Variants in DCT observed in about 807,000 individuals in gnomAD.
The protein encoded by DCT is L-dopachrome tautomerase.
A neutral mutation model predicts 53.0 loss-of-function variants in DCT; 47 were observed. The ratio of observed to expected loss-of-function variants is 0.89; its 90% CI spans 0.70 to 1.13. The LOEUF is 1.13. Among genes scored for constraint, DCT ranks in the 50% most tolerant of loss-of-function variants. The probability of loss-of-function intolerance (pLI) is 0.00; values close to 1 mark genes in which losing one functional copy is unlikely to be tolerated. For missense variants in DCT, 669 were observed against 637.4 expected, an observed-to-expected ratio of 1.05 and a Z score of -0.53; for synonymous variants, 244 against 237.0, an observed-to-expected ratio of 1.03 and a Z score of -0.27.
the DCT span, among the ~76,000 whole-genome samples, chr13:94,487,812 A>C: frequency 6.6e-6 from 1 of 151,446 alleles, no homozygotes; most frequent in African/African-American, 2.4e-5. Flanking sequence ...CCCTGTGACC[A>C]AGTTGTTTCC....
chr13:94,492,678 T>C, the DCT span, among the ~76,000 whole-genome samples: 11 of 152,324 alleles, frequency 7.2e-5, no homozygotes, highest in African/African-American at 1.7e-4. Flanking sequence ...ATATAATTTT[T>C]TTCACATTAT....
At chr13:94,488,743 C>T in the DCT span, among the ~76,000 whole-genome samples, 5,827 of 132,918 alleles carry the variant, frequency 0.044, 159 homozygotes, top group South Asian at 0.1. Context: ...CACACACACA[C>T]ACACACACAC....
At chr13:94,541,318 A>G in the DCT span, among the ~76,000 whole-genome samples, 1 of 152,130 alleles carries the variant, frequency 6.6e-6, no homozygotes, top group Non-Finnish European at 1.5e-5. Context: ...AGCCTGGCCA[A>G]CATGCTGAAA....
the DCT span, among the ~76,000 whole-genome samples, chr13:94,494,383 C>T: frequency 1.3e-5 from 2 of 152,166 alleles, no homozygotes; most frequent in African/African-American, 4.8e-5. Context: ...TAATCAGCCT[C>T]ACTGATTTCA....
At chr13:94,528,552 T>A in the DCT span, among the ~76,000 whole-genome samples, 70 of 152,246 alleles carry the variant, frequency 4.6e-4, no homozygotes, top group Middle Eastern at 0.01. Flanking sequence ...GCTTCATAAG[T>A]GAAGGAGAAA....
the DCT span, among the ~76,000 whole-genome samples, chr13:94,503,863 T>C: frequency 6.6e-5 from 10 of 152,342 alleles, 1 homozygote; most frequent in Middle Eastern, 6.8e-3. Context: ...TTTTTAAAAA[T>C]TGCTCATACA....
the DCT span, among the ~76,000 whole-genome samples, chr13:94,542,527 C>T: frequency 5.9e-5 from 9 of 152,154 alleles, no homozygotes; most frequent in Non-Finnish European, 8.8e-5. Flanking sequence ...TGCCCATTCC[C>T]TTCACACAAG....
chr13:94,521,238 A>G, the DCT span, among the ~76,000 whole-genome samples: 473 of 152,356 alleles, frequency 3.1e-3, 2 homozygotes, highest in African/African-American at 0.011. Flanking sequence ...TAAGGATAAA[A>G]GAGAGAATGC....
At position 94,437,732 on chromosome 13, in the gene DCT, A is replaced by G. The variant is rs1881990221; in HGVS notation, c.*2166T>C. On this transcript the variant is annotated 3_prime_UTR_variant, in exon 8 of 8. Coordinates refer to ENST00000377028, the MANE Select transcript of DCT (RefSeq NM_001922.5). ...TTCTGTTGGTTTATCCTACCTTAAT[A>G]TTTGTTAAAATGCATTCATAATTGA... The G allele has an allele frequency of 6.6e-6, 1 of 152,194 alleles. No individual in the cohort carries two copies. The allele number at this position is 152,194 out of a possible 1,614,324, so 9.4% of individuals were successfully genotyped here.
chr13:94,511,814 C>G, the DCT span, among the ~76,000 whole-genome samples: 4 of 151,126 alleles, frequency 2.6e-5, no homozygotes, highest in African/African-American at 9.7e-5. Context: ...ACCTCAATGC[C>G]CAGCATTGTC....
rs1881996675 is a variant in DCT at position 94,437,826 on chromosome 13, C to A, written c.*2072G>T. 1 of 152,102 alleles carries A rather than the reference C, an allele frequency of 6.6e-6. No individual in the cohort carries two copies. 9.4% of individuals were successfully genotyped at this position (152,102 alleles called of 1,614,324 possible). Reference sequence around the variant, plus strand: ...ATATGAACTACAAAATTAGGAAATTCTCTCAGGAAGACATTATAAAACATA... The same window carrying A: ...ATATGAACTACAAAATTAGGAAATTATCTCAGGAAGACATTATAAAACATA... On this transcript the variant is annotated 3_prime_UTR_variant, in exon 8 of 8. Coordinates refer to ENST00000377028, the MANE Select transcript of DCT (RefSeq NM_001922.5).
chr13:94,473,489 G>C (rs1884882720), intron 1 of DCT, among the ~76,000 whole-genome samples: 2 of 152,138 alleles, frequency 1.3e-5, no homozygotes, highest in Non-Finnish European at 2.9e-5. Flanking sequence ...AAGTCAGGGA[G>C]CATCTGTATA....
chr13:94,448,320 T>C (rs1177214932), intron 6 of DCT, among the ~76,000 whole-genome samples: 1 of 152,172 alleles, frequency 6.6e-6, no homozygotes, highest in Non-Finnish European at 1.5e-5. Context: ...GAATGTAAGT[T>C]TTTTTGAAAA....
the DCT span, among the ~76,000 whole-genome samples, chr13:94,502,699 C>T: frequency 6.6e-6 from 1 of 152,096 alleles, no homozygotes; most frequent in South Asian, 2.1e-4. Flanking sequence ...CTCCTTGTGT[C>T]CTCCTTTTTT....
At chr13:94,525,404 G>C in the DCT span, among the ~76,000 whole-genome samples, 1 of 152,094 alleles carries the variant, frequency 6.6e-6, no homozygotes, top group African/African-American at 2.4e-5. Flanking sequence ...GCGTGGCCAA[G>C]GTGATACATT....
At chr13:94,485,436 A>G in the DCT span, among the ~76,000 whole-genome samples, 1 of 152,192 alleles carries the variant, frequency 6.6e-6, no homozygotes, top group Non-Finnish European at 1.5e-5. Flanking sequence ...CTAGAATGGC[A>G]GAGCCCCTGA....
chr13:94,473,109 C>T (rs1170270487), intron 1 of DCT, among the ~76,000 whole-genome samples: 2 of 152,018 alleles, frequency 1.3e-5, no homozygotes, highest in Non-Finnish European at 2.9e-5. Flanking sequence ...TAAAAGGGAT[C>T]AGACACTAGT....
chr13:94,443,738 ATAGGAACTTCTG>A, intron 6 of DCT, 101 bp from the exon 7 acceptor site: 1 of 965,852 alleles, frequency 1.0e-6, no homozygotes, highest in Non-Finnish European at 1.6e-6. Context: ...TCTTCTTGAC[ATAGGAACTTCTG>A]TATACCCATG....
chr13:94,453,890 T>C (rs1382320111), intron 6 of DCT, among the ~76,000 whole-genome samples: 4 of 152,234 alleles, frequency 2.6e-5, no homozygotes, highest in African/African-American at 7.2e-5. Flanking sequence ...GATACATCTT[T>C]ATCAGCAGCA....
Sources: gnomAD v4.1 joint callset for allele counts (sites outside exome capture counted in the v4.1 genomes callset) on GRCh38, gnomAD v4.1.1 for gene constraint, MANE v1.5 for transcripts, NCBI Gene and HGNC (gene_info 2026-07-23, HGNC 2026-07-21) for gene names.